PCDHA11: variants seen among roughly 807,000 people sequenced by gnomAD.
PCDHA11 encodes protocadherin alpha 11.
Under a neutral mutation model 70.3 loss-of-function variants are expected in PCDHA11, and 61 were observed. That is an observed-to-expected ratio of 0.87 (90% CI 0.71 to 1.07). The LOEUF (loss-of-function observed/expected upper bound fraction) is 1.07, where lower values mean the gene tolerates loss of function less well. Among genes scored for constraint, PCDHA11 ranks in the 50% least tolerant of loss-of-function variants. The probability of loss-of-function intolerance (pLI) is 0.00; values close to 1 mark genes in which losing one functional copy is unlikely to be tolerated. For missense variants in PCDHA11, 1,324 were observed against 1,237.5 expected (o/e 1.07, Z -1.05); for synonymous variants, 633 against 555.1 (o/e 1.14, Z -1.97).
intron 1 of PCDHA11, chr5:140,884,459 G>A (rs530412188): frequency 8.1e-6 from 13 of 1,613,636 alleles, no homozygotes; most frequent in Non-Finnish European, 1.0e-5. Flanking sequence ...CACCGAGGGC[G>A]CGTGCGCGCC....
In PCDHA11 at chr5:140,977,999, G is replaced by A. The variant is rs1185111218; in HGVS notation, c.2392-950G>A. Among the ~76,000 whole-genome samples the A allele has an allele frequency of 1.3e-5, 2 of 152,132 alleles. 1 individual carries two copies. The highest frequency in any genetic ancestry group is 4.8e-5 in the African/African-American group (2 of 41,406). ...AAACGCATCTAGAGGAGTGTCACAA[G>A]TTTTTCACAGTGACATTTTTGCTTA... On this transcript the variant is annotated intron_variant, in intron 1 of 3. Coordinates refer to ENST00000398640, the MANE Select transcript of PCDHA11 (RefSeq NM_018902.5).
At chr5:140,968,397 A>G in intron 1 of PCDHA11, 7 of 1,613,892 alleles carry the variant, frequency 4.3e-6, no homozygotes, top group Non-Finnish European at 5.9e-6. Context: ...AAGTTTCGGG[A>G]GTTCTTTGTG....
intron 1 of PCDHA11, chr5:140,927,163 GC>G: frequency 6.2e-7 from 1 of 1,614,176 alleles, no homozygotes; most frequent in East Asian, 2.2e-5. Flanking sequence ...CAGGGCCAAA[GC>G]TGCCTGCGTC....
intron 3 of PCDHA11, among the ~76,000 whole-genome samples, chr5:140,991,017 C>G (rs1440489095): frequency 6.6e-6 from 1 of 152,178 alleles, no homozygotes; most frequent in Non-Finnish European, 1.5e-5. Context: ...GTGATAAGCA[C>G]TTTACATATG....
intron 1 of PCDHA11, among the ~76,000 whole-genome samples, chr5:140,888,973 A>G (rs1173174070): frequency 2.6e-5 from 4 of 152,078 alleles, no homozygotes; most frequent in African/African-American, 9.7e-5. Flanking sequence ...TAATGTGTTG[A>G]ATTTATGATT....
chr5:140,967,959 G>A lies in PCDHA11; in HGVS notation c.2392-10990G>A, dbSNP rs782716187. ...AATGACCAAGACTCAGGCCCCAACC[G>A]GAAAGTGAGCCTGGGTCTGGAGGCC... On this transcript the variant is annotated intron_variant, in intron 1 of 3. Transcript: ENST00000398640. The A allele has an allele frequency of 1.5e-5, 25 of 1,614,046 alleles. No individual in the cohort carries two copies. Among genetic ancestry groups the A allele is most frequent in the Non-Finnish European group, 1.9e-5 (23 of 1,180,058 alleles).
At chr5:140,970,909 A>G (rs1356718314) in intron 1 of PCDHA11, among the ~76,000 whole-genome samples, 1 of 152,180 alleles carries the variant, frequency 6.6e-6, no homozygotes, top group African/African-American at 2.4e-5. Context: ...AGATTTATTC[A>G]TTTATCAGAA....
At chr5:140,882,755 G>A in intron 1 of PCDHA11, 2 of 1,614,230 alleles carry the variant, frequency 1.2e-6, no homozygotes, top group Non-Finnish European at 1.7e-6. Context: ...TGCAGATATT[G>A]GAGTAAACTC....
intron 3 of PCDHA11, among the ~76,000 whole-genome samples, chr5:141,000,385 CTCTCTCTCTCTATATA>C (rs1454405199): frequency 1.1e-4 from 7 of 64,984 alleles, no homozygotes; most frequent in African/African-American, 4.8e-4. Flanking sequence ...CTCTCTCTCT[CTCTCTCTCTCTATATA>C]TATATATATA....
chr5:140,910,519 G>A (rs187918127), intron 1 of PCDHA11, among the ~76,000 whole-genome samples: 18 of 152,218 alleles, frequency 1.2e-4, no homozygotes, highest in Non-Finnish European at 2.5e-4. Context: ...AAGGATGCAG[G>A]TACTCCCCTC....
intron 1 of PCDHA11, chr5:140,881,265 T>C (rs1352186503): frequency 1.7e-6 from 1 of 600,348 alleles, no homozygotes; most frequent in Non-Finnish European, 2.1e-6. Context: ...TACTCAGTGA[T>C]GATGAAGTAA....
At chr5:140,961,347 T>TTGAGAGACCAA (rs2095606709) in intron 1 of PCDHA11, among the ~76,000 whole-genome samples, 1 of 152,216 alleles carries the variant, frequency 6.6e-6, no homozygotes, top group South Asian at 2.1e-4. Flanking sequence ...AGTGGATCCC[T>TTGAGAGACCAA]GTAGTCCCCA....
At chr5:140,966,253 G>A in intron 1 of PCDHA11, 1 of 328,324 alleles carries the variant, frequency 3.0e-6, no homozygotes, top group South Asian at 1.5e-4. Context: ...GGGGAGAGAC[G>A]GTGGAGACTG....
At chr5:141,000,608 A>G (rs1554257700) in intron 3 of PCDHA11, among the ~76,000 whole-genome samples, 2 of 150,664 alleles carry the variant, frequency 1.3e-5, no homozygotes, top group African/African-American at 4.9e-5. Context: ...TTGTATTTTT[A>G]GTAGAGACAG....
At chr5:140,931,216 A>G (rs1347905969) in intron 1 of PCDHA11, among the ~76,000 whole-genome samples, 4 of 152,190 alleles carry the variant, frequency 2.6e-5, no homozygotes, top group African/African-American at 9.6e-5. Context: ...TTCAGGTATC[A>G]GAGCACTTAA....
At chr5:140,914,778 T>G (rs942539067) in intron 1 of PCDHA11, among the ~76,000 whole-genome samples, 1 of 152,138 alleles carries the variant, frequency 6.6e-6, no homozygotes, top group African/African-American at 2.4e-5. Flanking sequence ...ATGACTTATC[T>G]TATGACCCAT....
chr5:140,961,465 T>C (rs2095614873), intron 1 of PCDHA11, among the ~76,000 whole-genome samples: 2 of 152,218 alleles, frequency 1.3e-5, no homozygotes, highest in Admixed American at 1.3e-4. Context: ...GCTGCCTTTC[T>C]TTTTTTGTCT....
chr5:140,881,538 C>A (rs879991805), intron 1 of PCDHA11, among the ~76,000 whole-genome samples: 1 of 152,196 alleles, frequency 6.6e-6, no homozygotes, highest in Middle Eastern at 3.2e-3. Flanking sequence ...TGACTGAACA[C>A]TTTCTTTTGA....
chr5:140,890,515 T>C (rs996565867), intron 1 of PCDHA11, among the ~76,000 whole-genome samples: 2 of 152,198 alleles, frequency 1.3e-5, no homozygotes, highest in African/African-American at 4.8e-5. Context: ...CTCTATTTCC[T>C]TCCTTTGTTG....
Sources: allele counts gnomAD v4.1 joint callset (sites outside exome capture counted in the v4.1 genomes callset), GRCh38; gene constraint gnomAD v4.1.1; transcripts MANE v1.5; gene names NCBI Gene and HGNC (gene_info 2026-07-23, HGNC 2026-07-21).